PPP1R21: variants seen among roughly 807,000 people sequenced by gnomAD.
PPP1R21 encodes the protein protein phosphatase 1 regulatory subunit 21.
Under a neutral mutation model 112.8 loss-of-function variants are expected in PPP1R21, and 85 were observed. The ratio of observed to expected loss-of-function variants is 0.75; its 90% CI spans 0.63 to 0.90. The LOEUF is 0.90. PPP1R21 is among the 40% of genes least tolerant of loss of function. The pLI, the probability that PPP1R21 is intolerant of heterozygous loss-of-function variation, is 0.00. For synonymous variants in PPP1R21, 381 were observed against 322.3 expected (o/e 1.18, Z -1.95); for missense variants, 1,199 against 901.5 (o/e 1.33, Z -4.23).
Position 48,454,602 on chromosome 2 carries a change from T to A in PPP1R21, c.134T>A (p.Leu45Gln), listed in dbSNP as rs759715476. ...QANSAALKEQ[L>Q]KMKDQSLRKL... ...GTTTTCACTTTGATATAGGAGCAAC[T>A]GAAAATGAAGGATCAGTCATTGAGA... Residue 45 changes from leucine (L) to glutamine (Q), a missense_variant, in exon 3 of 22, where the codon CTG (leucine) becomes CAG (glutamine). By Grantham distance (113) the Leu-to-Gln change is moderately radical. Coordinates refer to ENST00000294952, the MANE Select transcript of PPP1R21 (RefSeq NM_001135629.3). 5.0e-6 allele frequency: 8 copies of A among 1,614,152 alleles called. No individual in the cohort carries two copies. In the South Asian group the frequency reaches 8.8e-5, roughly 18 times the overall value.
intron 19 of PPP1R21, among the ~76,000 whole-genome samples, chr2:48,508,370 T>G (rs1045740672): frequency 6.6e-6 from 1 of 152,234 alleles, no homozygotes; most frequent in African/African-American, 2.4e-5. Flanking sequence ...TTTTTGATTT[T>G]CTCTTATACT....
Position 48,458,162 on chromosome 2 carries a change from C to G in PPP1R21, c.310C>G (p.Gln104Glu), listed in dbSNP as rs778816851. The G allele has an allele frequency of 8.1e-6, 13 of 1,611,836 alleles. No homozygotes were observed. Among genetic ancestry groups the G allele is most frequent in the Admixed American group, 5.0e-5 (3 of 59,974 alleles). ...GESSSQLSQE[Q>E]KSVFDEDLQK... ...ATCTTCTTCTCAGTTGAGTCAAGAG[C>G]AGAAGAGTGTCTTTGATGAAGATCT... The change falls in exon 4 of 22, where the codon CAG becomes GAG. Residue 104 changes from glutamine to glutamate, a missense_variant. Gln to Glu is a conservative substitution (Grantham distance 29). Transcript: ENST00000294952.
intron 17 of PPP1R21, among the ~76,000 whole-genome samples, chr2:48,500,482 T>TG (rs751898897): frequency 6.6e-6 from 1 of 151,992 alleles, no homozygotes; most frequent in East Asian, 1.9e-4. Flanking sequence ...CTGGGAGGTA[T>TG]GGGGGGAAAA....
chr2:48,496,758 C>T (rs181217679), intron 16 of PPP1R21, among the ~76,000 whole-genome samples: 11 of 152,286 alleles, frequency 7.2e-5, no homozygotes, highest in African/African-American at 1.2e-4. Flanking sequence ...TGAGCCATTG[C>T]GCCCAGTGGA....
intron 3 of PPP1R21, among the ~76,000 whole-genome samples, chr2:48,456,698 A>G (rs1023649054): frequency 6.6e-6 from 1 of 152,210 alleles, no homozygotes; most frequent in African/African-American, 2.4e-5. Flanking sequence ...GTTCAAATAA[A>G]GGAGGCAACA....
chr2:48,465,245 A>G (rs1236767843), intron 8 of PPP1R21, among the ~76,000 whole-genome samples: 1 of 152,178 alleles, frequency 6.6e-6, no homozygotes, highest in Non-Finnish European at 1.5e-5. Flanking sequence ...TTTGAGCCAT[A>G]CTTTTTTGTG....
At chr2:48,468,786 G>T (rs1382292050) in intron 9 of PPP1R21, among the ~76,000 whole-genome samples, 1 of 151,774 alleles carries the variant, frequency 6.6e-6, no homozygotes, top group Non-Finnish European at 1.5e-5. Flanking sequence ...CTTCATTCCA[G>T]CTTGGGCAAC....
intron 1 of PPP1R21, among the ~76,000 whole-genome samples, chr2:48,445,819 C>G (rs78676670): frequency 7.2e-5 from 11 of 152,260 alleles, no homozygotes; most frequent in Admixed American, 7.2e-4. Flanking sequence ...CCTGCACATA[C>G]TTTATCCCTG....
chr2:48,463,670 G>C (rs1668077145), intron 7 of PPP1R21, among the ~76,000 whole-genome samples: 1 of 152,114 alleles, frequency 6.6e-6, no homozygotes, highest in Non-Finnish European at 1.5e-5. Context: ...GGACACAAGA[G>C]TTAAATGAGC....
chr2:48,446,379 C>T (rs1667248293), intron 1 of PPP1R21, among the ~76,000 whole-genome samples: 2 of 152,112 alleles, frequency 1.3e-5, no homozygotes, highest in South Asian at 4.2e-4. Context: ...TTGGGCTATT[C>T]CAGAACCAGA....
rs369393981 is a variant in PPP1R21, at chr2:48,465,617, A to C, written c.872A>C (p.Asp291Ala). Residue 291 changes from aspartate to alanine, a missense_variant, in exon 9 of 22, where the codon GAC (aspartate) becomes GCC (alanine). Coordinates refer to ENST00000294952, the MANE Select transcript of PPP1R21 (RefSeq NM_001135629.3). Reference sequence around the variant, plus strand: ...ATTTTTCCTGTTGATTCTGCCATTGACACTATATCTCCATTGAATCAGAAG... The same window carrying C: ...ATTTTTCCTGTTGATTCTGCCATTGCCACTATATCTCCATTGAATCAGAAG... ...IQIFPVDSAI[D>A]TISPLNQKFS... 1 of 1,613,246 alleles carries C rather than the reference A, an allele frequency of 6.2e-7. No individual in the cohort carries two copies. Among genetic ancestry groups the C allele is most frequent in the Non-Finnish European group, 8.5e-7 (1 of 1,179,750 alleles).
At chr2:48,463,279 C>A (rs868755484) in intron 7 of PPP1R21, among the ~76,000 whole-genome samples, 1 of 152,002 alleles carries the variant, frequency 6.6e-6, no homozygotes, top group East Asian at 1.9e-4. Context: ...GCTGTGGAAA[C>A]GGGGTGAGGT....
At chr2:48,507,534 A>AT in intron 19 of PPP1R21, 149 bp downstream of exon 19, 1 of 1,217,062 alleles carries the variant, frequency 8.2e-7, no homozygotes, top group South Asian at 1.7e-5. Context: ...CGCCCAGCTA[A>AT]TTTTTTGTAT....
intron 14 of PPP1R21, 47 bp downstream of exon 14, chr2:48,486,805 G>T (rs1353501197): frequency 6.4e-7 from 1 of 1,567,250 alleles, no homozygotes; most frequent in Non-Finnish European, 8.7e-7. Flanking sequence ...TTAAATATGT[G>T]CTTTTTTTCT....
intron 21 of PPP1R21, among the ~76,000 whole-genome samples, chr2:48,513,197 A>C (rs1446420976): frequency 6.6e-6 from 1 of 151,742 alleles, no homozygotes; most frequent in Non-Finnish European, 1.5e-5. Flanking sequence ...GGAATTTTCA[A>C]GTTTCCTCTG....
At chr2:48,495,078 G>T (rs1669765325) in intron 15 of PPP1R21, among the ~76,000 whole-genome samples, 1 of 152,178 alleles carries the variant, frequency 6.6e-6, no homozygotes, top group Non-Finnish European at 1.5e-5. Context: ...CAGAATGGTT[G>T]TATGTATAAG....
At chr2:48,511,937 G>A (rs754980050) in intron 21 of PPP1R21, among the ~76,000 whole-genome samples, 1 of 151,750 alleles carries the variant, frequency 6.6e-6, no homozygotes, top group Non-Finnish European at 1.5e-5. Context: ...TTTTCCAAAA[G>A]TATTAAGTGT....
chr2:48,487,193 A>T lies in PPP1R21; in HGVS notation c.1446+435A>T, dbSNP rs959002041. ...TCGTTGTGTATATGAAGGGTCTGCC[A>T]TATAGAACACTGGGAACATACAAAA... On this transcript the variant is annotated intron_variant, in intron 14 of 21. Coordinates refer to ENST00000294952, the MANE Select transcript of PPP1R21 (RefSeq NM_001135629.3). 2.6e-5 allele frequency among the ~76,000 whole-genome samples: 4 copies of T among 152,336 alleles called. No individual in the cohort carries two copies. In the East Asian group the frequency reaches 7.7e-4, roughly 29 times the overall value.
chr2:48,468,773 C>G (rs1452634477), intron 9 of PPP1R21, among the ~76,000 whole-genome samples: 1 of 151,720 alleles, frequency 6.6e-6, no homozygotes, highest in Non-Finnish European at 1.5e-5. Flanking sequence ...CAAGACTGTG[C>G]CACTTCATTC....
Sources: gnomAD v4.1 joint callset for allele counts (sites outside exome capture counted in the v4.1 genomes callset) on GRCh38, gnomAD v4.1.1 for gene constraint, MANE v1.5 for transcripts, NCBI Gene and HGNC (gene_info 2026-07-23, HGNC 2026-07-21) for gene names.